C12orf56: variants seen among roughly 807,000 people sequenced by gnomAD.
C12orf56 encodes the protein chromosome 12 open reading frame 56.
In C12orf56, 71 loss-of-function variants were observed where a neutral mutation model predicts 69.9. The ratio of observed to expected loss-of-function variants is 1.02; its 90% CI spans 0.84 to 1.24. The LOEUF (loss-of-function observed/expected upper bound fraction) is 1.24. C12orf56 is among the 50% of genes most tolerant of loss of function. The probability of loss-of-function intolerance (pLI) is 0.00; values close to 1 mark genes in which losing one functional copy is unlikely to be tolerated. For missense variants in C12orf56, 732 were observed against 738.5 expected (o/e 0.99, Z 0.10); for synonymous variants, 276 against 274.1 (o/e 1.01, Z -0.07).
intron 3 of C12orf56, among the ~76,000 whole-genome samples, chr12:64,326,747 A>C (rs909353986): frequency 2.6e-5 from 4 of 151,910 alleles, no homozygotes; most frequent in African/African-American, 9.7e-5. Flanking sequence ...CTCAAAAAAA[A>C]AAAAAGAAAG....
At chr12:64,309,202 T>A (rs1246384690) in intron 5 of C12orf56, among the ~76,000 whole-genome samples, 5 of 152,238 alleles carry the variant, frequency 3.3e-5, no homozygotes, top group Admixed American at 6.5e-5. Flanking sequence ...TAATTCACAA[T>A]GTTCTACAAG....
At chr12:64,361,962 C>A (rs1420757066) in intron 1 of C12orf56, among the ~76,000 whole-genome samples, 1 of 152,142 alleles carries the variant, frequency 6.6e-6, no homozygotes, top group Non-Finnish European at 1.5e-5. Flanking sequence ...AAACTCTTGA[C>A]CTCAGGTCAT....
intron 7 of C12orf56, among the ~76,000 whole-genome samples, chr12:64,285,337 C>T (rs775649601): frequency 5.3e-5 from 8 of 152,090 alleles, no homozygotes; most frequent in African/African-American, 9.7e-5. Flanking sequence ...CAGAGAGGTA[C>T]TATTTGGCTC....
intron 5 of C12orf56, among the ~76,000 whole-genome samples, chr12:64,309,201 A>G (rs1044834843): frequency 6.6e-6 from 1 of 152,220 alleles, no homozygotes; most frequent in Admixed American, 6.5e-5. Flanking sequence ...TTAATTCACA[A>G]TGTTCTACAA....
At chr12:64,388,483 T>G (rs2039823259) in intron 1 of C12orf56, among the ~76,000 whole-genome samples, 2 of 152,108 alleles carry the variant, frequency 1.3e-5, no homozygotes, top group Non-Finnish European at 2.9e-5. Flanking sequence ...GCTCATGTGA[T>G]TCCCCTGCGT....
chr12:64,370,733 G>A (rs1477113984), intron 1 of C12orf56, among the ~76,000 whole-genome samples: 3 of 152,130 alleles, frequency 2.0e-5, no homozygotes, highest in African/African-American at 7.2e-5. Flanking sequence ...AAACAATCTT[G>A]AGAAAGAAGA....
chr12:64,380,156 C>T (rs2039701401), intron 1 of C12orf56, among the ~76,000 whole-genome samples: 1 of 132,060 alleles, frequency 7.6e-6, no homozygotes, highest in South Asian at 2.5e-4. Context: ...AAAAAAAACG[C>T]ACAATGCAGC....
intron 2 of C12orf56, among the ~76,000 whole-genome samples, chr12:64,340,293 T>TC (rs1228514866): frequency 6.6e-6 from 1 of 151,992 alleles, no homozygotes; most frequent in African/African-American, 2.4e-5. Context: ...GGGTCTGCCT[T>TC]CCCCAGCCCA....
chr12:64,371,936 C>G (rs1294172069), intron 1 of C12orf56, among the ~76,000 whole-genome samples: 1 of 148,754 alleles, frequency 6.7e-6, no homozygotes, highest in African/African-American at 2.5e-5. Flanking sequence ...CACGCACCAC[C>G]ACATGCAGCT....
At chr12:64,281,352 C>T (rs2038124616) in intron 8 of C12orf56, among the ~76,000 whole-genome samples, 1 of 151,904 alleles carries the variant, frequency 6.6e-6, no homozygotes, top group Non-Finnish European at 1.5e-5. Flanking sequence ...GGGTGGATTG[C>T]CTGAGGTCAG....
In C12orf56 at chr12:64,352,980, G is replaced by T. The variant is rs774559326; in HGVS notation, c.329C>A (p.Thr110Asn). 6 of 1,612,254 alleles carry T rather than the reference G, an allele frequency of 3.7e-6. No individual in the cohort carries two copies. The highest frequency in any genetic ancestry group is 1.1e-5 in the South Asian group (1 of 90,762). Residue 110 changes from threonine to asparagine, a missense_variant, in exon 2 of 13, where the codon ACC becomes AAC. Physicochemically the swap from Thr to Asn is moderately conservative, Grantham distance 65 (BLOSUM62 0). Coordinates refer to ENST00000543942, the MANE Select transcript of C12orf56 (RefSeq NM_001170633.2). ...SQHIRIIYSS[T>N]VLKKECKKSN... ...CTTTTTACACTCTTTTTTCAAAACG[G>T]TTGAAGAATAGATGATACGAATGTG...
At chr12:64,308,902 A>AAG (rs1592439419) in intron 5 of C12orf56, among the ~76,000 whole-genome samples, 2 of 62,622 alleles carry the variant, frequency 3.2e-5, no homozygotes, top group African/African-American at 1.2e-4. Flanking sequence ...GAAAGAAAGA[A>AAG]AGAAAGAAAG....
chr12:64,277,052 A>G (rs946943120), intron 9 of C12orf56, among the ~76,000 whole-genome samples: 1 of 145,204 alleles, frequency 6.9e-6, no homozygotes, highest in Non-Finnish European at 1.5e-5. Flanking sequence ...TTTCTAAAAC[A>G]TAATTCTGAC....
chr12:64,381,762 T>A (rs2039721945), intron 1 of C12orf56, among the ~76,000 whole-genome samples: 1 of 152,096 alleles, frequency 6.6e-6, no homozygotes, highest in African/African-American at 2.4e-5. Flanking sequence ...GGTCAGAAAG[T>A]TCATGAATAT....
chr12:64,358,514 C>A (rs1476658408), intron 1 of C12orf56, among the ~76,000 whole-genome samples: 11 of 75,280 alleles, frequency 1.5e-4, no homozygotes, highest in Admixed American at 4.7e-4. Context: ...ATCATCTTGG[C>A]CAGGCATGAT....
intron 8 of C12orf56, among the ~76,000 whole-genome samples, chr12:64,284,345 T>C (rs758405884): frequency 8.5e-5 from 13 of 152,230 alleles, no homozygotes; most frequent in African/African-American, 1.4e-4. Context: ...AAGGACACTA[T>C]GGGAAATTCT....
intron 1 of C12orf56, among the ~76,000 whole-genome samples, chr12:64,372,032 C>T (rs188057786): frequency 1.2e-4 from 18 of 151,920 alleles, no homozygotes; most frequent in African/African-American, 3.6e-4. Context: ...CCTCCCTCCT[C>T]GGCCTCCATA....
intron 5 of C12orf56, among the ~76,000 whole-genome samples, chr12:64,307,550 G>A (rs560037531): frequency 6.6e-6 from 1 of 151,678 alleles, no homozygotes; most frequent in East Asian, 1.9e-4. Context: ...TTGTATTTTT[G>A]TAGAGACAGG....
Position 64,387,077 on chromosome 12 carries a change from C to CAAAAAAAAAAAAAAAAAAAAAAA in C12orf56, c.252+3214_252+3236dup, listed in dbSNP as rs869290282. 5.9e-4 allele frequency among the ~76,000 whole-genome samples: 25 copies of CAAAAAAAAAAAAAAAAAAAAAAA among 42,104 alleles called. 6 individuals carry two copies. The highest frequency in any genetic ancestry group is 3.3e-3 in the East Asian group (3 of 898). The allele number at this position is 42,104 out of a possible 152,430, so 27.6% of individuals were successfully genotyped here. A position where few individuals can be genotyped will look rare whatever the true frequency, so the allele number is the denominator to read the frequency against. On this transcript the variant is annotated intron_variant, in intron 1 of 12. Transcript: ENST00000543942. ...TGGGTAACAGAGCGAGACTCTATCTCAAAAAAAAAAAAAAAAAAAAAAAAA... is the reference window on the plus strand; with the variant it reads ...TGGGTAACAGAGCGAGACTCTATCTCAAAAAAAAAAAAAAAAAAAAAAAAAAAAAAAAAAAAAAAAAAAAAAAA...
Sources: gnomAD v4.1 joint callset for allele counts (sites outside exome capture counted in the v4.1 genomes callset) on GRCh38, gnomAD v4.1.1 for gene constraint, MANE v1.5 for transcripts, NCBI Gene and HGNC (gene_info 2026-07-23, HGNC 2026-07-21) for gene names.